The following RBM34 variants were observed in gnomAD, a reference collection of about 807,000 sequenced individuals.
RBM34 encodes RNA binding motif protein 34.
Under a neutral mutation model 44.6 loss-of-function variants are expected in RBM34, and 39 were observed. The ratio of observed to expected loss-of-function variants is 0.87; its 90% CI spans 0.68 to 1.14. The LOEUF (loss-of-function observed/expected upper bound fraction) is 1.14, where lower values mean the gene tolerates loss of function less well. Among genes scored for constraint, RBM34 ranks in the 50% most tolerant of loss-of-function variants. The pLI is 0.00. For missense variants in RBM34, 572 were observed against 517.9 expected (o/e 1.10, Z -1.01); for synonymous variants, 194 against 184.0 (o/e 1.05, Z -0.44).
chr1:235,131,983 A>C lies in RBM34; in HGVS notation c.1023T>G (p.Val341=). The change falls in exon 11 of 11, where the codon GTT becomes GTG. Residue 341 remains valine (V), a synonymous_variant. Transcript: ENST00000408888. ...AATTATTTAATTTCAGAGCAAGATG[A>C]ACAGAATCTGTATTCTGCAAAAGAA... The part of the protein sequence containing the change: ...GYVLFENTDS[V]HLALKLNNSE... 1 of 1,598,586 alleles carries C rather than the reference A, an allele frequency of 6.3e-7. No homozygotes were observed.
At chr1:235,145,494 T>A (rs531784834) in intron 6 of RBM34, among the ~76,000 whole-genome samples, 2 of 152,102 alleles carry the variant, frequency 1.3e-5, no homozygotes, top group South Asian at 4.2e-4. Context: ...CCCAGGCTGG[T>A]CTCGAACTCC....
intron 10 of RBM34, among the ~76,000 whole-genome samples, chr1:235,132,964 C>T (rs1417009359): frequency 6.6e-6 from 1 of 152,214 alleles, no homozygotes; most frequent in Non-Finnish European, 1.5e-5. Context: ...CATCAAGAGT[C>T]TTCAAAATGG....
chr1:235,148,595 AT>A (rs375944652), intron 5 of RBM34, 148 bp from the exon 6 acceptor site: 38,159 of 350,122 alleles, frequency 0.11, no homozygotes, highest in South Asian at 0.18. Context: ...AACTGTCCTA[AT>A]TTTTTTTTTT....
chr1:235,148,526 T>C (rs757018396), intron 5 of RBM34, 79 bp from the exon 6 acceptor site: 39 of 1,079,688 alleles, frequency 3.6e-5, no homozygotes, highest in Non-Finnish European at 4.8e-5. Context: ...GAAGTCTAAG[T>C]ATCTAACTCC....
intron 5 of RBM34, among the ~76,000 whole-genome samples, chr1:235,151,704 C>CT (rs1480758032): frequency 6.6e-6 from 1 of 152,128 alleles, no homozygotes; most frequent in Non-Finnish European, 1.5e-5. Context: ...TTGAGAAACT[C>CT]TATTCCAGAG....
chr1:235,152,257 T>C (rs1440699740), intron 5 of RBM34, among the ~76,000 whole-genome samples: 1 of 152,224 alleles, frequency 6.6e-6, no homozygotes, highest in East Asian at 1.9e-4. Flanking sequence ...AACTCACTTC[T>C]ATAAAGTTTT....
intron 5 of RBM34, 43 bp downstream of exon 5, chr1:235,152,663 T>C: frequency 6.3e-7 from 1 of 1,582,002 alleles, no homozygotes. Context: ...TTAAATGCAA[T>C]AAATTTTAAT....
rs1287052883 is a variant in RBM34, at chr1:235,161,021, T to A, written c.100A>T (p.Arg34Trp). ...AAGCTACTGGCGACCTGTCCAAGCCTGTAGTCTTCCGGCGGACTCCCGCGA... is the reference window on the plus strand; with the variant it reads ...AAGCTACTGGCGACCTGTCCAAGCCAGTAGTCTTCCGGCGGACTCCCGCGA... Reference protein sequence around the residue: ...GVRGSPPEDYRLGQVASSLFR... With the variant: ...GVRGSPPEDYWLGQVASSLFR... Residue 34 changes from arginine to tryptophan, a missense_variant, in exon 2 of 11, where the codon AGG becomes TGG. Transcript: ENST00000408888. The A allele has an allele frequency of 1.2e-6, 2 of 1,613,776 alleles. No homozygotes were observed. Among genetic ancestry groups the A allele is most frequent in the Middle Eastern group, 3.3e-4 (2 of 6,082 alleles).
chr1:235,150,362 ACCCG>A (rs1397263741), intron 5 of RBM34, among the ~76,000 whole-genome samples: 2 of 152,162 alleles, frequency 1.3e-5, no homozygotes, highest in African/African-American at 2.4e-5. Context: ...CAACCACTGC[ACCCG>A]GCCTACATCC....
intron 6 of RBM34, among the ~76,000 whole-genome samples, chr1:235,143,895 TCAGA>T (rs1490871624): frequency 1.3e-5 from 2 of 151,912 alleles, no homozygotes; most frequent in South Asian, 2.1e-4. Context: ...AGAACAAATC[TCAGA>T]CAGGCACGGT....
At chr1:235,155,312 G>C (rs908123143) in intron 3 of RBM34, among the ~76,000 whole-genome samples, 200 bp from the exon 4 acceptor site, 2 of 151,730 alleles carry the variant, frequency 1.3e-5, no homozygotes, top group Admixed American at 6.6e-5. Context: ...GAAAAAAAAT[G>C]ATTTAACTCA....
chr1:235,158,167 C>A lies in RBM34; in HGVS notation c.365+2344G>T, dbSNP rs551572205. Among the ~76,000 whole-genome samples the A allele has an allele frequency of 1.2e-4, 19 of 152,032 alleles. No homozygotes were observed. The East Asian group carries it at 3.5e-3, about 28-fold the overall frequency. On this transcript the variant is annotated intron_variant, in intron 3 of 10. Transcript: ENST00000408888. ...CGGTGGCTCACGCCTGTAATCCCAGCACTTTGGGAGGCCAAGGCGGGTGGA... is the reference window on the plus strand; with the variant it reads ...CGGTGGCTCACGCCTGTAATCCCAGAACTTTGGGAGGCCAAGGCGGGTGGA...
At chr1:235,160,344 C>T (rs755647812) in intron 3 of RBM34, 167 bp downstream of exon 3, 5 of 847,768 alleles carry the variant, frequency 5.9e-6, no homozygotes, top group Non-Finnish European at 9.8e-6. Flanking sequence ...ATGCTGAGTA[C>T]ACGGGGTTTC....
intron 5 of RBM34, among the ~76,000 whole-genome samples, chr1:235,152,034 CAA>C (rs11350971): frequency 1.2e-4 from 18 of 148,334 alleles, no homozygotes; most frequent in Admixed American, 6.7e-4. Flanking sequence ...GACTCTGTCT[CAA>C]AAAAAAAAAT....
intron 3 of RBM34, among the ~76,000 whole-genome samples, chr1:235,159,810 AGTGAGCTGAG>A (rs1662618040): frequency 6.6e-6 from 1 of 150,968 alleles, no homozygotes; most frequent in African/African-American, 2.4e-5. Context: ...TGGAGGTTGC[AGTGAGCTGAG>A]ATCAGGCCAC....
rs1172462826 is a variant in RBM34, at chr1:235,155,822, CATATATAT to C, written c.366-718_366-711del. Among the ~76,000 whole-genome samples, 303 of 64,138 alleles carry C rather than the reference CATATATAT, an allele frequency of 4.7e-3. 3 individuals carry two copies. The highest frequency in any genetic ancestry group is 0.018 in the African/African-American group (155 of 8,640). 42.1% of individuals were successfully genotyped at this position (64,138 alleles called of 152,430 possible). A position where few individuals can be genotyped will look rare whatever the true frequency, so the allele number is the denominator to read the frequency against. ...GTCCAGTCTTTTATACATACATATA[CATATATAT>C]ATATATATATATATATATATATATA... On this transcript the variant is annotated intron_variant, in intron 3 of 10. Transcript: ENST00000408888.
At chr1:235,132,367 G>A (rs1023789600) in intron 10 of RBM34, among the ~76,000 whole-genome samples, 53 of 151,996 alleles carry the variant, frequency 3.5e-4, no homozygotes, top group African/African-American at 1.2e-3. Context: ...GGAGTGCAGT[G>A]GCACGATCTC....
intron 3 of RBM34, among the ~76,000 whole-genome samples, chr1:235,158,609 A>G (rs1662554200): frequency 6.6e-6 from 1 of 152,126 alleles, no homozygotes; most frequent in Admixed American, 6.5e-5. Flanking sequence ...CTGTGTACAG[A>G]TGCATTAAGT....
chr1:235,159,069 T>C (rs915902670), intron 3 of RBM34, among the ~76,000 whole-genome samples: 1 of 151,310 alleles, frequency 6.6e-6, no homozygotes, highest in Non-Finnish European at 1.5e-5. Context: ...AAAAATTAGC[T>C]GGGCATGGTG....
Sources: gnomAD v4.1 joint callset for allele counts (sites outside exome capture counted in the v4.1 genomes callset) on GRCh38, gnomAD v4.1.1 for gene constraint, MANE v1.5 for transcripts, NCBI Gene and HGNC (gene_info 2026-07-23, HGNC 2026-07-21) for gene names.